Variants in CFAP299 observed in about 807,000 individuals in gnomAD.
CFAP299 encodes cilia and flagella associated protein 299.
In CFAP299, 21 loss-of-function variants were observed where a neutral mutation model predicts 27.0. That is an observed-to-expected ratio of 0.78 (90% CI 0.55 to 1.12). CFAP299 has a LOEUF of 1.12. Among genes scored for constraint, CFAP299 ranks in the 50% most tolerant of loss-of-function variants. The probability of loss-of-function intolerance (pLI) is 0.00; values close to 1 mark genes in which losing one functional copy is unlikely to be tolerated. For synonymous variants in CFAP299, 104 were observed against 98.1 expected, an observed-to-expected ratio of 1.06 and a Z score of -0.36; for missense variants, 310 against 276.6, an observed-to-expected ratio of 1.12 and a Z score of -0.86.
chr4:80,407,213 C>T (rs909556514), intron 2 of CFAP299, among the ~76,000 whole-genome samples: 7 of 151,938 alleles, frequency 4.6e-5, no homozygotes, highest in Admixed American at 4.6e-4. Context: ...CAGAGTATAG[C>T]CCTGACTACT....
chr4:80,478,056 GCT>G (rs1260734142), intron 2 of CFAP299, among the ~76,000 whole-genome samples: 1 of 151,980 alleles, frequency 6.6e-6, no homozygotes, highest in Admixed American at 6.6e-5. Context: ...AAACATTATT[GCT>G]CATTTACTCC....
At chr4:80,626,878 A>G (rs1478862001) in intron 3 of CFAP299, among the ~76,000 whole-genome samples, 1 of 144,456 alleles carries the variant, frequency 6.9e-6, no homozygotes, top group Non-Finnish European at 1.5e-5. Flanking sequence ...AGAGTCTGGG[A>G]CATGGTGACA....
chr4:80,898,477 G>T (rs1734724362), intron 4 of CFAP299, among the ~76,000 whole-genome samples: 1 of 152,026 alleles, frequency 6.6e-6, no homozygotes, highest in African/African-American at 2.4e-5. Flanking sequence ...GGATGTGGGG[G>T]GTGGGATGGG....
At chr4:80,556,331 T>A (rs929234022) in intron 2 of CFAP299, among the ~76,000 whole-genome samples, 1 of 152,060 alleles carries the variant, frequency 6.6e-6, no homozygotes, top group Non-Finnish European at 1.5e-5. Flanking sequence ...AAATTTTCGA[T>A]GACAAAAGTC....
intron 3 of CFAP299, among the ~76,000 whole-genome samples, chr4:80,695,447 A>C (rs1721027347): frequency 6.6e-6 from 1 of 152,218 alleles, no homozygotes; most frequent in African/African-American, 2.4e-5. Context: ...TTCACTACCC[A>C]GATGGGACAA....
At chr4:80,386,534 G>C (rs546547115) in intron 2 of CFAP299, 12 of 1,589,760 alleles carry the variant, frequency 7.5e-6, no homozygotes, top group East Asian at 2.2e-5. Flanking sequence ...GTGCCGCCGG[G>C]TTTGCAGGTC....
chr4:80,741,288 G>A (rs191841800), intron 3 of CFAP299, among the ~76,000 whole-genome samples: 42 of 152,064 alleles, frequency 2.8e-4, no homozygotes, highest in Admixed American at 8.5e-4. Context: ...TTGCTCTGTC[G>A]CCCAGGCTGG....
intron 2 of CFAP299, among the ~76,000 whole-genome samples, chr4:80,460,036 A>G (rs999669571): frequency 1.2e-4 from 18 of 152,220 alleles, no homozygotes; most frequent in African/African-American, 3.6e-4. Flanking sequence ...TTGAGGTTAC[A>G]GAAAGAATAG....
At chr4:80,562,657 C>CAGT (rs1553934454) in intron 2 of CFAP299, among the ~76,000 whole-genome samples, 1 of 140,840 alleles carries the variant, frequency 7.1e-6, no homozygotes, top group Admixed American at 7.1e-5. Context: ...GACTCAATTT[C>CAGT]AATAATAATA....
At chr4:80,556,926 C>T (rs1734812275) in intron 2 of CFAP299, among the ~76,000 whole-genome samples, 2 of 152,044 alleles carry the variant, frequency 1.3e-5, no homozygotes, top group African/African-American at 4.8e-5. Flanking sequence ...CTTAATATTA[C>T]ATAAACATTT....
intron 4 of CFAP299, among the ~76,000 whole-genome samples, chr4:80,891,532 GCATATTCTCACTCA>G (rs1205929585): frequency 7.6e-6 from 1 of 131,306 alleles, no homozygotes; most frequent in East Asian, 2.2e-4. Flanking sequence ...ACCAAACACC[GCATATTCTCACTCA>G]TAGGTGGGAA....
chr4:80,916,252 A>AAT (rs10696316), intron 4 of CFAP299, among the ~76,000 whole-genome samples: 3,325 of 60,344 alleles, frequency 0.055, 169 homozygotes, highest in Non-Finnish European at 0.089. Context: ...ACTAGACTGA[A>AAT]ATATATATAT....
At chr4:80,788,292 C>A (rs1727359765) in intron 3 of CFAP299, among the ~76,000 whole-genome samples, 1 of 151,972 alleles carries the variant, frequency 6.6e-6, no homozygotes, top group Non-Finnish European at 1.5e-5. Flanking sequence ...CGTAAGCCAT[C>A]AATGCTGAAA....
chr4:80,433,884 C>T (rs1026253016), intron 2 of CFAP299, among the ~76,000 whole-genome samples: 5 of 152,152 alleles, frequency 3.3e-5, no homozygotes, highest in Non-Finnish European at 4.4e-5. Context: ...GGTAAAAATG[C>T]TGTCAACCTC....
chr4:80,819,729 C>G (rs1729603758), intron 3 of CFAP299, among the ~76,000 whole-genome samples: 1 of 151,810 alleles, frequency 6.6e-6, no homozygotes, highest in African/African-American at 2.4e-5. Flanking sequence ...TCATAAAATC[C>G]AAAAAAGCTT....
the CFAP299 span, among the ~76,000 whole-genome samples, chr4:80,330,488 C>T: frequency 6.6e-6 from 1 of 152,142 alleles, no homozygotes; most frequent in Non-Finnish European, 1.5e-5. Flanking sequence ...CTTCCCTGAA[C>T]ATACCTCTCG....
At chr4:80,469,911 CTTTT>C (rs1729901212) in intron 2 of CFAP299, among the ~76,000 whole-genome samples, 1 of 152,110 alleles carries the variant, frequency 6.6e-6, no homozygotes, top group Admixed American at 6.5e-5. Flanking sequence ...GCTCCTCATA[CTTTT>C]TTTGTCTTAG....
intron 3 of CFAP299, among the ~76,000 whole-genome samples, chr4:80,691,557 G>T (rs1256934431): frequency 6.6e-6 from 1 of 152,002 alleles, no homozygotes; most frequent in South Asian, 2.1e-4. Context: ...AATAATAGGA[G>T]CTATCTATGA....
intron 3 of CFAP299, among the ~76,000 whole-genome samples, chr4:80,631,724 C>G (rs13136169): frequency 6.6e-6 from 1 of 151,862 alleles, no homozygotes; most frequent in Non-Finnish European, 1.5e-5. Flanking sequence ...TCTTTTTAAT[C>G]TATGTCATCA....
Sources: gnomAD v4.1 joint callset for allele counts (sites outside exome capture counted in the v4.1 genomes callset) on GRCh38, gnomAD v4.1.1 for gene constraint, MANE v1.5 for transcripts, NCBI Gene and HGNC (gene_info 2026-07-23, HGNC 2026-07-21) for gene names.